The following NAV1 variants were observed in gnomAD, a reference collection of about 807,000 sequenced individuals.
NAV1 encodes the protein pore membrane and/or filament interacting like protein 3.
Under a neutral mutation model 175.2 loss-of-function variants are expected in NAV1, and 18 were observed. The ratio of observed to expected loss-of-function variants is 0.10; its 90% CI spans 0.07 to 0.15. The LOEUF (loss-of-function observed/expected upper bound fraction) is 0.15. Ranked by LOEUF, NAV1 falls within the 10% of genes least tolerant of loss-of-function variation. The pLI is 1.00. For missense variants in NAV1, 1,731 were observed against 2,436.6 expected (o/e 0.71, Z 6.10); for synonymous variants, 897 against 978.7 (o/e 0.92, Z 1.56).
exon 1 of NAV1, chr1:201,649,106 C>T (rs1669086559): frequency 6.2e-7 from 1 of 1,612,884 alleles, no homozygotes; most frequent in Non-Finnish European, 8.5e-7. Context: ...AGCACTCGCT[C>T]TTCCAGGCCA....
At chr1:201,677,575 T>C (rs1488355534) in intron 1 of NAV1, among the ~76,000 whole-genome samples, 1 of 152,082 alleles carries the variant, frequency 6.6e-6, no homozygotes, top group Non-Finnish European at 1.5e-5. Context: ...CCTTGCCCAC[T>C]CTCTGCTTCT....
chr1:201,816,694 T>TG lies in NAV1; in HGVS notation c.5341-394_5341-393insG, dbSNP rs1168317088. ...GTGCACTTTTTTTTTTTTTTTTTTT[T>TG]TGAGGCAGAGTCTTGCTCTGTCATC... On this transcript the variant is annotated intron_variant, in intron 28 of 29. Transcript: ENST00000367296. 2.0e-5 allele frequency among the ~76,000 whole-genome samples: 3 copies of TG among 149,784 alleles called. No individual in the cohort carries two copies. The East Asian group carries it at 5.8e-4, about 29-fold the overall frequency.
At chr1:201,729,439 G>A (rs976898732) in intron 3 of NAV1, among the ~76,000 whole-genome samples, 4 of 151,880 alleles carry the variant, frequency 2.6e-5, no homozygotes, top group South Asian at 2.1e-4. Flanking sequence ...TCGGGAGTTC[G>A]AGACCAGCCT....
exon 1 of NAV1, chr1:201,622,983 G>A (rs759344566): frequency 5.9e-5 from 58 of 985,990 alleles, no homozygotes; most frequent in Non-Finnish European, 6.6e-5. Flanking sequence ...TTCCTACACC[G>A]GGCGCTTCTC....
intron 1 of NAV1, among the ~76,000 whole-genome samples, chr1:201,658,063 G>A (rs1205538150): frequency 6.6e-6 from 1 of 152,122 alleles, no homozygotes; most frequent in Non-Finnish European, 1.5e-5. Context: ...AGCCAGTAAA[G>A]CAAGCGAGCA....
intron 1 of NAV1, among the ~76,000 whole-genome samples, chr1:201,684,712 T>C (rs895844807): frequency 6.6e-6 from 1 of 151,954 alleles, no homozygotes; most frequent in Admixed American, 6.6e-5. Context: ...TGACCTCAGG[T>C]GATCCACTCG....
chr1:201,734,174 T>C (rs772098231), intron 3 of NAV1, among the ~76,000 whole-genome samples: 8 of 151,894 alleles, frequency 5.3e-5, no homozygotes, highest in Non-Finnish European at 1.0e-4. Context: ...TTGGAAGGCT[T>C]AGGCGGGCGG....
At chr1:201,818,477 G>A (rs1473153173) in intron 29 of NAV1, among the ~76,000 whole-genome samples, 3 of 149,986 alleles carry the variant, frequency 2.0e-5, no homozygotes, top group African/African-American at 5.0e-5. Flanking sequence ...GCAGTGAGCC[G>A]AGATCACGCC....
intron 3 of NAV1, among the ~76,000 whole-genome samples, chr1:201,775,220 G>C (rs942791124): frequency 6.6e-6 from 1 of 152,176 alleles, no homozygotes; most frequent in African/African-American, 2.4e-5. Flanking sequence ...CTCTGGACTG[G>C]TGGACTCCTG....
chr1:201,572,700 C>T (rs1666581936), intron 1 of NAV1, among the ~76,000 whole-genome samples: 1 of 152,114 alleles, frequency 6.6e-6, no homozygotes, highest in Non-Finnish European at 1.5e-5. Context: ...TTATCACCAT[C>T]AATGAAATGG....
chr1:201,716,802 C>A (rs1017043111), intron 2 of NAV1, among the ~76,000 whole-genome samples: 1 of 152,146 alleles, frequency 6.6e-6, no homozygotes, highest in Admixed American at 6.5e-5. Context: ...CACTTGAGCT[C>A]GGGAGGTCAA....
chr1:201,779,992 TCATTACCAGTTATAGA>T, intron 3 of NAV1, among the ~76,000 whole-genome samples: 1 of 152,282 alleles, frequency 6.6e-6, no homozygotes, highest in East Asian at 1.9e-4. Context: ...TTTCTGGGCC[TCATTACCAGTTATAGA>T]CATTTTTAGA....
chr1:201,737,389 G>A (rs1673160491), intron 3 of NAV1: 1 of 152,200 alleles, frequency 6.6e-6, no homozygotes, highest in Admixed American at 6.5e-5. Context: ...TGGCAGCTCA[G>A]GAATCAATCC....
At chr1:201,591,806 C>G (rs1023862147) in intron 2 of NAV1, among the ~76,000 whole-genome samples, 3 of 152,036 alleles carry the variant, frequency 2.0e-5, no homozygotes, top group Non-Finnish European at 2.9e-5. Context: ...AAAGCTGAAT[C>G]GTGAGACAGG....
At chr1:201,599,074 T>C (rs1285221976) in intron 2 of NAV1, among the ~76,000 whole-genome samples, 2 of 152,200 alleles carry the variant, frequency 1.3e-5, no homozygotes, top group African/African-American at 4.8e-5. Context: ...AGGCCAGATC[T>C]CTGCCTGCTG....
At chr1:201,689,558 G>GAGT (rs1670818339) in intron 1 of NAV1, among the ~76,000 whole-genome samples, 1 of 152,156 alleles carries the variant, frequency 6.6e-6, no homozygotes. Context: ...CTACTTACAA[G>GAGT]AGTAGCATTC....
At chr1:201,596,517 T>TTTTG (rs969865301) in intron 2 of NAV1, among the ~76,000 whole-genome samples, 11 of 152,136 alleles carry the variant, frequency 7.2e-5, no homozygotes, top group Non-Finnish European at 1.2e-4. Flanking sequence ...CCTCAGGACT[T>TTTTG]TTTGTTTGTT....
At chr1:201,648,108 C>A, upstream of NAV1, 1 of 297,352 alleles carries the variant, frequency 3.4e-6, no homozygotes, top group Middle Eastern at 1.7e-3. Flanking sequence ...CCTCCCCGTG[C>A]GCACACTCGC....
intron 1 of NAV1, among the ~76,000 whole-genome samples, chr1:201,663,201 A>C (rs949092091): frequency 8.5e-5 from 13 of 152,256 alleles, no homozygotes; most frequent in African/African-American, 3.1e-4. Context: ...AACATTCTCC[A>C]GAAGTTGCCT....
Sources: allele counts gnomAD v4.1 joint callset (sites outside exome capture counted in the v4.1 genomes callset), GRCh38; gene constraint gnomAD v4.1.1; transcripts MANE v1.5; gene names NCBI Gene and HGNC (gene_info 2026-07-23, HGNC 2026-07-21).